The following SFMBT2 variants were observed in gnomAD, a reference collection of about 807,000 sequenced individuals.
SFMBT2 encodes the protein Scm like with four mbt domains 2.
SFMBT2 carries 38 observed loss-of-function variants against 110.1 expected under a neutral mutation model. The observed-to-expected ratio is 0.35, with a 90% confidence interval of 0.27 to 0.45. The LOEUF (loss-of-function observed/expected upper bound fraction) is 0.45, where lower values mean the gene tolerates loss of function less well. Ranked by LOEUF, SFMBT2 falls within the 20% of genes least tolerant of loss-of-function variation. The probability of loss-of-function intolerance (pLI) is 1.00; values close to 1 mark genes in which losing one functional copy is unlikely to be tolerated. For synonymous variants in SFMBT2, 425 were observed against 425.4 expected (o/e 1.00, Z 0.01); for missense variants, 1,011 against 1,094.9 (o/e 0.92, Z 1.08).
chr10:7,315,562 C>G (rs1334998582), intron 4 of SFMBT2, among the ~76,000 whole-genome samples: 1 of 152,224 alleles, frequency 6.6e-6, no homozygotes, highest in Non-Finnish European at 1.5e-5. Flanking sequence ...CATCAGCTCT[C>G]CTGGATCTCC....
intron 4 of SFMBT2, among the ~76,000 whole-genome samples, chr10:7,325,213 C>T (rs1250740749): frequency 6.6e-6 from 1 of 152,004 alleles, no homozygotes; most frequent in Non-Finnish European, 1.5e-5. Flanking sequence ...GGTGATCCAC[C>T]CGCCTTAGCC....
intron 11 of SFMBT2, among the ~76,000 whole-genome samples, chr10:7,212,265 G>C (rs573305356): frequency 1.3e-5 from 2 of 152,192 alleles, no homozygotes; most frequent in African/African-American, 4.8e-5. Flanking sequence ...CCCCAAATTC[G>C]GTTGGCCAAA....
rs530709581 is a variant in SFMBT2 at position 7,344,453 on chromosome 10, C to T, written c.436+23196G>A. ...CTCTCTTGCCTGCCACCATGTAAGA[C>T]GTGCCTTTCTCCTCCTTTGCCTTCT... On this transcript the variant is annotated intron_variant, in intron 4 of 20. Transcript: ENST00000397167. 2.6e-5 allele frequency among the ~76,000 whole-genome samples: 4 copies of T among 152,314 alleles called. No individual in the cohort carries two copies. In the South Asian group the frequency reaches 8.3e-4, roughly 32 times the overall value.
chr10:7,201,479 G>T (rs141529647), intron 13 of SFMBT2, among the ~76,000 whole-genome samples: 1 of 152,148 alleles, frequency 6.6e-6, no homozygotes, highest in Non-Finnish European at 1.5e-5. Context: ...GGCGGATAAC[G>T]TGGAGTCTGG....
chr10:7,311,045 C>CAAAAAAAAAAAAAAA (rs201310544), intron 4 of SFMBT2, among the ~76,000 whole-genome samples: 1 of 96,942 alleles, frequency 1.0e-5, no homozygotes, highest in Non-Finnish European at 2.0e-5. Flanking sequence ...AACTCCATCT[C>CAAAAAAAAAAAAAAA]AAAAAAAAAA....
At chr10:7,383,664 A>C (rs1049579385) in intron 1 of SFMBT2, among the ~76,000 whole-genome samples, 21 of 152,330 alleles carry the variant, frequency 1.4e-4, no homozygotes, top group African/African-American at 4.8e-4. Context: ...TACAAAGATA[A>C]GTTCTTGACT....
rs1437704209 is a variant in SFMBT2, at chr10:7,172,742, A to G, written c.1985-81T>C. The G allele has an allele frequency of 3.4e-6, 5 of 1,454,642 alleles. No individual in the cohort carries two copies. Among genetic ancestry groups the G allele is most frequent in the Non-Finnish European group, 3.7e-6 (4 of 1,079,614 alleles). 90.1% of individuals were successfully genotyped at this position (1,454,642 alleles called of 1,614,324 possible). ...CAGAGAGAGGAGAGAGAAAGAAGGG[A>G]AACGATTCTTTCATCTGATAGTTCA... On this transcript the variant is annotated intron_variant, in intron 17 of 20. Coordinates refer to ENST00000397167, the MANE Select transcript of SFMBT2 (RefSeq NM_001387889.1). The surrounding 1 kb of genome is among the most constrained non-coding windows in gnomAD (Gnocchi z 4.6).
intron 9 of SFMBT2, among the ~76,000 whole-genome samples, chr10:7,231,087 C>T (rs375065536): frequency 1.3e-5 from 2 of 152,154 alleles, no homozygotes; most frequent in African/African-American, 4.8e-5. Flanking sequence ...GTGGTTAATT[C>T]CCTTCTCTGC....
chr10:7,328,117 A>G (rs1030812626), intron 4 of SFMBT2, among the ~76,000 whole-genome samples: 1 of 152,226 alleles, frequency 6.6e-6, no homozygotes, highest in Non-Finnish European at 1.5e-5. Flanking sequence ...CAGTGCCTCC[A>G]CATCCTTTGT....
intron 11 of SFMBT2, chr10:7,206,822 C>A: frequency 1.2e-5 from 12 of 965,078 alleles, no homozygotes; most frequent in Non-Finnish European, 1.5e-5. Context: ...AAGAAAAAAA[C>A]ACTTTGAACC....
chr10:7,344,958 CA>C (rs35145669), intron 4 of SFMBT2, among the ~76,000 whole-genome samples: 162 of 53,242 alleles, frequency 3.0e-3, no homozygotes, highest in Middle Eastern at 0.011. Flanking sequence ...GACTCTGTCT[CA>C]AAAAAAAAAA....
At chr10:7,317,581 C>A (rs370879937) in intron 4 of SFMBT2, among the ~76,000 whole-genome samples, 5 of 134,002 alleles carry the variant, frequency 3.7e-5, no homozygotes, top group African/African-American at 1.1e-4. Context: ...GCGGAGGTTG[C>A]GGTGAGCGAA....
At chr10:7,251,267 A>G (rs946948318) in intron 7 of SFMBT2, among the ~76,000 whole-genome samples, 1 of 151,992 alleles carries the variant, frequency 6.6e-6, no homozygotes, top group East Asian at 1.9e-4. Context: ...CGAGGTCAGG[A>G]GTTCGAGACC....
chr10:7,186,459 CAT>C (rs1554782971), intron 16 of SFMBT2, among the ~76,000 whole-genome samples: 11 of 126,912 alleles, frequency 8.7e-5, no homozygotes, highest in South Asian at 2.3e-4. Context: ...CACACACACA[CAT>C]ATATATATAT....
chr10:7,365,743 A>G (rs1844873474), intron 4 of SFMBT2, among the ~76,000 whole-genome samples: 1 of 152,260 alleles, frequency 6.6e-6, no homozygotes, highest in Non-Finnish European at 1.5e-5. Context: ...CACACAGCAT[A>G]GGATTCCATG....
intron 6 of SFMBT2, 32 bp from the exon 7 acceptor site, chr10:7,277,021 A>T (rs374753294): frequency 2.4e-5 from 20 of 847,918 alleles, no homozygotes; most frequent in Non-Finnish European, 4.0e-5. Flanking sequence ...GAAGAGTTGA[A>T]GGACTAACAC....
chr10:7,403,544 A>AG (rs1201758960), intron 1 of SFMBT2, among the ~76,000 whole-genome samples: 15 of 152,124 alleles, frequency 9.9e-5, no homozygotes, highest in Admixed American at 3.9e-4. Context: ...TGGGAGGCTG[A>AG]GGGGGGAGAA....
chr10:7,387,982 G>A (rs549357683), intron 1 of SFMBT2, among the ~76,000 whole-genome samples: 9 of 151,080 alleles, frequency 6.0e-5, no homozygotes, highest in African/African-American at 1.5e-4. Context: ...GCCATTAAAC[G>A]TGGAGGTACC....
intron 4 of SFMBT2, among the ~76,000 whole-genome samples, chr10:7,291,782 A>C (rs1437719669): frequency 1.3e-5 from 2 of 152,196 alleles, no homozygotes; most frequent in Non-Finnish European, 2.9e-5. Flanking sequence ...CCATTTCTTC[A>C]GAGATGAGGC....
Sources: gnomAD v4.1 joint callset for allele counts (sites outside exome capture counted in the v4.1 genomes callset) on GRCh38, gnomAD v4.1.1 for gene constraint, Gnocchi (gnomAD v3.1) non-coding constraint, MANE v1.5 for transcripts, NCBI Gene and HGNC (gene_info 2026-07-23, HGNC 2026-07-21) for gene names.